The following TMEM43 variants were observed in gnomAD, a reference collection of about 807,000 sequenced individuals.
TMEM43 encodes transmembrane protein 43, also known as arrhythmogenic right ventricular dysplasia 5.
TMEM43 carries 45 observed loss-of-function variants against 49.6 expected under a neutral mutation model. That is an observed-to-expected ratio of 0.91 (90% CI 0.71 to 1.16). TMEM43 has a LOEUF of 1.16. Among genes scored for constraint, TMEM43 ranks in the 50% most tolerant of loss-of-function variants. The pLI is 0.00. For synonymous variants in TMEM43, 199 were observed against 207.8 expected, an observed-to-expected ratio of 0.96 and a Z score of 0.36; for missense variants, 532 against 516.6, an observed-to-expected ratio of 1.03 and a Z score of -0.29.
In TMEM43 at chr3:14,129,519, C is replaced by T. The variant is rs777915392; in HGVS notation, c.120C>T (p.Leu40=). 1 of 1,614,110 alleles carries T rather than the reference C, an allele frequency of 6.2e-7. No individual in the cohort carries two copies. The highest frequency in any genetic ancestry group is 1.1e-5 in the South Asian group (1 of 91,080). The change falls in exon 2 of 12, where the codon CTC becomes CTT. Residue 40 remains leucine (L), a synonymous_variant. Coordinates refer to ENST00000306077, the MANE Select transcript of TMEM43 (RefSeq NM_024334.3). ...CCTCGGGTGGGATGTTTGTGGGGCT[C>T]ATGGCCTTCCTGCTCTCCTTCTACC... The part of the protein sequence containing the change: ...SETSGGMFVG[L]MAFLLSFYLI...
At chr3:14,125,255 T>TG (rs1361877921) in intron 1 of TMEM43, 50 bp downstream of exon 1, 1 of 1,577,732 alleles carries the variant, frequency 6.3e-7, no homozygotes, top group Non-Finnish European at 8.6e-7. Flanking sequence ...CCCGTCGCCC[T>TG]GGGGCTTTTC....
Position 14,135,930 on chromosome 3 carries a change from T to G in TMEM43, c.882+22T>G, listed in dbSNP as rs1050368116. 2.3e-5 allele frequency: 36 copies of G among 1,592,086 alleles called. No homozygotes were observed. In the Admixed American group the frequency reaches 3.7e-4, roughly 16 times the overall value. On this transcript the variant is annotated intron_variant, in intron 10 of 11. Coordinates refer to ENST00000306077, the MANE Select transcript of TMEM43 (RefSeq NM_024334.3). ...AGAGGTGAGTGCTGTGCCCTACTCG[T>G]ACGGTGGAGGAACAAGCATGTCCTT... is the stretch of plus-strand genomic sequence containing the variant.
chr3:14,131,605 TCCATC>T lies in TMEM43; in HGVS notation c.324_328del (p.His109SerfsTer18). ...CTTTTGTCTGATCCAAACTATGGGGTCCATCTTCCGGCTGTGAAACTGCGGAGGCA... is the reference window on the plus strand; with the variant it reads ...CTTTTGTCTGATCCAAACTATGGGGTTTCCGGCTGTGAAACTGCGGAGGCA... On this transcript the variant is annotated frameshift_variant, in exon 4 of 12. Coordinates refer to ENST00000306077, the MANE Select transcript of TMEM43 (RefSeq NM_024334.3). LOFTEE classifies it high-confidence loss of function. The T allele has an allele frequency of 6.2e-7, 1 of 1,614,170 alleles. No individual in the cohort carries two copies. The highest frequency in any genetic ancestry group is 8.5e-7 in the Non-Finnish European group (1 of 1,180,022).
intron 4 of TMEM43, among the ~76,000 whole-genome samples, chr3:14,132,036 G>T (rs1332117850): frequency 5.4e-5 from 8 of 147,152 alleles, no homozygotes; most frequent in African/African-American, 2.0e-4. Context: ...CAGCTGTGTT[G>T]GTCCCATCTT....
At chr3:14,130,724 C>A in intron 2 of TMEM43, 98 bp from the exon 3 acceptor site, 1 of 1,471,300 alleles carries the variant, frequency 6.8e-7, no homozygotes, top group Non-Finnish European at 9.2e-7. Context: ...GGTCTCAGCG[C>A]TCCCGGAGGC....
At chr3:14,132,702 A>C (rs1281398824) in intron 5 of TMEM43, 107 bp downstream of exon 5, 1 of 1,439,818 alleles carries the variant, frequency 6.9e-7, no homozygotes, top group Non-Finnish European at 9.7e-7. Context: ...AGCACCAGGC[A>C]TCAGGATCCC....
chr3:14,135,081 G>A (rs576024821), intron 8 of TMEM43, 77 bp from the exon 9 acceptor site: 45 of 1,501,804 alleles, frequency 3.0e-5, no homozygotes, highest in East Asian at 1.1e-4. Context: ...CCTGAGGGGC[G>A]TAGCCGAGGC....
At position 14,132,577 on chromosome 3, in the gene TMEM43, G is replaced by A. The variant is rs145619906; in HGVS notation, c.424G>A (p.Glu142Lys). The change falls in exon 5 of 12, where the codon GAG becomes AAG. Residue 142 changes from glutamate (E) to lysine (K), a missense_variant. Glu to Lys is a moderately conservative substitution (Grantham distance 56). Coordinates refer to ENST00000306077, the MANE Select transcript of TMEM43 (RefSeq NM_024334.3). Reference sequence around the variant, plus strand: ...CACCGAGGATGGGCAGGTGAAGAAGGAGACGAGGTATTCCTACAGTGAGTG... The same window carrying A: ...CACCGAGGATGGGCAGGTGAAGAAGAAGACGAGGTATTCCTACAGTGAGTG... Reference protein sequence around the residue: ...EYTEDGQVKKETRYSYNTEWR... With the variant: ...EYTEDGQVKKKTRYSYNTEWR... The A allele has an allele frequency of 1.1e-3, 1,697 of 1,614,138 alleles. No individual in the cohort carries two copies. The highest frequency in any genetic ancestry group is 1.3e-3 in the Non-Finnish European group (1,571 of 1,180,012).
chr3:14,131,986 C>G (rs573528175), intron 4 of TMEM43, among the ~76,000 whole-genome samples: 1 of 152,134 alleles, frequency 6.6e-6, no homozygotes, highest in Non-Finnish European at 1.5e-5. Context: ...CATGTCAACC[C>G]CGAGACCCCA....
intron 2 of TMEM43, 49 bp from the exon 3 acceptor site, chr3:14,130,773 G>A: frequency 1.9e-6 from 3 of 1,603,540 alleles, no homozygotes; most frequent in Non-Finnish European, 2.6e-6. Context: ...GCACAGTCAT[G>A]CTGAGCCACC....
rs1194415107 is a variant in TMEM43, at chr3:14,142,484, G to GT, written c.*694dup. On this transcript the variant is annotated 3_prime_UTR_variant, in exon 12 of 12. Transcript: ENST00000306077. ...TGGGATCTCTGAAGGCCCTATTTAAGTTTTTCTTCGTTACTTTGCTGCTTC... is the reference window on the plus strand; with the variant it reads ...TGGGATCTCTGAAGGCCCTATTTAAGTTTTTTCTTCGTTACTTTGCTGCTTC... The GT allele has an allele frequency of 2.0e-5, 3 of 152,748 alleles. No homozygotes were observed. In the East Asian group the frequency reaches 5.8e-4, roughly 29 times the overall value. The allele number at this position is 152,748 out of a possible 1,614,324, so 9.5% of individuals were successfully genotyped here. A position where few individuals can be genotyped will look rare whatever the true frequency, so the allele number is the denominator to read the frequency against.
At chr3:14,140,537 A>C (rs1695233383) in intron 11 of TMEM43, among the ~76,000 whole-genome samples, 1 of 152,176 alleles carries the variant, frequency 6.6e-6, no homozygotes, top group South Asian at 2.1e-4. Flanking sequence ...AGAGACAGAC[A>C]AGACTTAGAG....
intron 7 of TMEM43, among the ~76,000 whole-genome samples, chr3:14,134,233 C>A (rs937949763): frequency 6.6e-6 from 1 of 152,222 alleles, no homozygotes; most frequent in African/African-American, 2.4e-5. Flanking sequence ...TCACAGGCAT[C>A]CCCCATTGAC....
intron 10 of TMEM43, 23 bp from the exon 11 acceptor site, chr3:14,139,157 C>T (rs374549285): frequency 7.0e-6 from 11 of 1,578,426 alleles, no homozygotes; most frequent in Non-Finnish European, 9.6e-6. Context: ...AGCATCCTGA[C>T]CTGCCCCCAC....
At chr3:14,138,774 G>C (rs1695208423) in intron 10 of TMEM43, among the ~76,000 whole-genome samples, 1 of 152,256 alleles carries the variant, frequency 6.6e-6, no homozygotes, top group African/African-American at 2.4e-5. Flanking sequence ...TGGAGCCTGA[G>C]AAGGAGGGTG....
intron 1 of TMEM43, among the ~76,000 whole-genome samples, chr3:14,125,966 C>A (rs1440723667): frequency 6.6e-6 from 1 of 152,150 alleles, no homozygotes; most frequent in Non-Finnish European, 1.5e-5. Flanking sequence ...CTCACCTCTC[C>A]CCTCCTCTGT....
At chr3:14,136,995 C>T (rs997752020) in intron 10 of TMEM43, 1 of 149,706 alleles carries the variant, frequency 6.7e-6, no homozygotes, top group Non-Finnish European at 1.5e-5. Context: ...CACTCTATAC[C>T]TGCCCTAACC....
At chr3:14,133,913 C>T (rs556815719) in intron 7 of TMEM43, 104 bp downstream of exon 7, 224 of 1,024,506 alleles carry the variant, frequency 2.2e-4, no homozygotes, top group Non-Finnish European at 3.0e-4. Context: ...GGCACAGGAT[C>T]AGTCTGCACC....
At position 14,142,494 on chromosome 3, in the gene TMEM43, G is replaced by A. The variant is rs1488930048; in HGVS notation, c.*699G>A. The A allele has an allele frequency of 2.0e-5, 3 of 152,606 alleles. No individual in the cohort carries two copies. The highest frequency in any genetic ancestry group is 4.4e-5 in the Non-Finnish European group (3 of 68,046). The allele number at this position is 152,606 out of a possible 1,614,324, so 9.5% of individuals were successfully genotyped here. A position where few individuals can be genotyped will look rare whatever the true frequency, so the allele number is the denominator to read the frequency against. On this transcript the variant is annotated 3_prime_UTR_variant, in exon 12 of 12. Transcript: ENST00000306077. ...GAAGGCCCTATTTAAGTTTTTCTTC[G>A]TTACTTTGCTGCTTCATGTGTACTT...
Sources: gnomAD v4.1 joint callset for allele counts (sites outside exome capture counted in the v4.1 genomes callset) on GRCh38, gnomAD v4.1.1 for gene constraint, MANE v1.5 for transcripts, NCBI Gene and HGNC (gene_info 2026-07-23, HGNC 2026-07-21) for gene names.